The following FHAD1 variants were observed in gnomAD, a reference collection of about 807,000 sequenced individuals.
The protein encoded by FHAD1 is forkhead associated phosphopeptide binding domain 1.
Under a neutral mutation model 191.3 loss-of-function variants are expected in FHAD1, and 146 were observed. The ratio of observed to expected loss-of-function variants is 0.76; its 90% CI spans 0.67 to 0.88. The LOEUF (loss-of-function observed/expected upper bound fraction) is 0.88, where lower values mean the gene tolerates loss of function less well. Among genes scored for constraint, FHAD1 ranks in the 40% least tolerant of loss-of-function variants. The pLI is 0.00. For synonymous variants in FHAD1, 616 were observed against 672.3 expected (o/e 0.92, Z 1.29); for missense variants, 1,635 against 1,785.8 (o/e 0.92, Z 1.52).
chr1:15,238,130 CCAGCTACT>C (rs1400129518), intron 1 of FHAD1, among the ~76,000 whole-genome samples: 1 of 151,498 alleles, frequency 6.6e-6, no homozygotes, highest in Non-Finnish European at 1.5e-5. Flanking sequence ...ACCTGTAACC[CCAGCTACT>C]CAGGAGGCTG....
In FHAD1 at chr1:15,303,631, C is replaced by T. The variant is rs139989502; in HGVS notation, c.915+2190C>T. Among the ~76,000 whole-genome samples the T allele has an allele frequency of 8.3e-3, 1,257 of 152,300 alleles. 22 individuals are homozygous for T. The highest frequency in any genetic ancestry group is 0.029 in the African/African-American group (1,186 of 41,558). On this transcript the variant is annotated intron_variant, in intron 6 of 33. Transcript: ENST00000688493. ...TTGGGAGGCCAAGGCAGGCGGATCA[C>T]CTGAGGTCAGGAGTTCGAGACCAGC...
At chr1:15,336,654 G>A (rs149469148) in intron 14 of FHAD1, among the ~76,000 whole-genome samples, 6 of 152,056 alleles carry the variant, frequency 3.9e-5, no homozygotes, top group Non-Finnish European at 5.9e-5. Context: ...CGCTTCTTTC[G>A]CTCCTTTTCA....
chr1:15,346,015 C>G (rs1688793912), intron 18 of FHAD1, among the ~76,000 whole-genome samples: 1 of 152,150 alleles, frequency 6.6e-6, no homozygotes, highest in Admixed American at 6.6e-5. Flanking sequence ...CTCTTACGCC[C>G]CGGAGGAGTA....
chr1:15,262,693 T>C (rs1651634875), intron 2 of FHAD1, among the ~76,000 whole-genome samples: 2 of 152,392 alleles, frequency 1.3e-5, no homozygotes, highest in South Asian at 4.1e-4. Flanking sequence ...GTTTATCTTT[T>C]GTCTGTCCAT....
Position 15,374,504 on chromosome 1 carries a change from G to A in FHAD1, c.3450G>A (p.Gln1150=). The A allele has an allele frequency of 1.9e-6, 3 of 1,551,800 alleles. No homozygotes were observed. The highest frequency in any genetic ancestry group is 4.9e-5 in the East Asian group (2 of 40,910). The part of the protein sequence containing the change: ...HTEAFSSSQE[Q]QSFSDLGVRC... ...TGCCCGCCCCATTCTGCCCACAGCAGCAATCCTTCAGCGATCTAGGGGTCA... is the reference window on the plus strand; with the variant it reads ...TGCCCGCCCCATTCTGCCCACAGCAACAATCCTTCAGCGATCTAGGGGTCA... The change falls in exon 27 of 34, where the codon CAG becomes CAA. Residue 1150 remains glutamine, a splice_region_variant and synonymous_variant. Transcript: ENST00000688493.
In FHAD1 at chr1:15,277,745, T is replaced by C. The variant is rs894476208; in HGVS notation, c.300+5216T>C. Among the ~76,000 whole-genome samples the C allele has an allele frequency of 1.6e-4, 25 of 152,174 alleles. 1 individual carries two copies. The highest frequency in any genetic ancestry group is 1.5e-5 in the Non-Finnish European group (1 of 68,026). ...AGAAAATGCAGTTTCAGATAGGGGC[T>C]TCCTCATTCGCCTCCACTATCTTTT... On this transcript the variant is annotated intron_variant, in intron 3 of 33. Transcript: ENST00000688493.
rs1397016632 is a variant in FHAD1 at position 15,367,596 on chromosome 1, G to A, written c.3288G>A (p.Glu1096=). Residue 1096 remains glutamate, a synonymous_variant, in exon 25 of 34, where the codon GAG becomes GAA. Coordinates refer to ENST00000688493, the MANE Select transcript of FHAD1 (RefSeq NM_001391957.1). Reference sequence around the variant, plus strand: ...GCCTGGTAGAAAAGAAAGATCGGGAGCTGAAGGCCCTTGAGGAGGCACTCA... The same window carrying A: ...GCCTGGTAGAAAAGAAAGATCGGGAACTGAAGGCCCTTGAGGAGGCACTCA... ...MSSLVEKKDR[E]LKALEEALRA... 3 of 1,513,354 alleles carry A rather than the reference G, an allele frequency of 2.0e-6. No homozygotes were observed. The highest frequency in any genetic ancestry group is 2.8e-5 in the African/African-American group (2 of 71,240). 93.7% of individuals were successfully genotyped at this position (1,513,354 alleles called of 1,614,324 possible).
At chr1:15,335,398 G>C (rs932591672) in intron 14 of FHAD1, 1 of 151,922 alleles carries the variant, frequency 6.6e-6, no homozygotes, top group East Asian at 1.9e-4. Context: ...TTGCATGCAT[G>C]GCAAATCACT....
At chr1:15,293,653 G>T (rs555181177) in intron 4 of FHAD1, among the ~76,000 whole-genome samples, 1 of 152,330 alleles carries the variant, frequency 6.6e-6, no homozygotes, top group African/African-American at 2.4e-5. Flanking sequence ...GGGAGGCAGA[G>T]GTTGCAGTGA....
At chr1:15,270,658 GCTGGACAGGGCACC>G (rs1655515521) in intron 2 of FHAD1, among the ~76,000 whole-genome samples, 1 of 152,146 alleles carries the variant, frequency 6.6e-6, no homozygotes, top group African/African-American at 2.4e-5. Context: ...TTATATAAAA[GCTGGACAGGGCACC>G]CTGAGAAGAT....
At chr1:15,373,975 C>T (rs1262566991) in intron 26 of FHAD1, among the ~76,000 whole-genome samples, 2 of 152,320 alleles carry the variant, frequency 1.3e-5, no homozygotes, top group East Asian at 3.9e-4. Flanking sequence ...AGGTATAAAA[C>T]ATTCCCTTCA....
rs542594313 is a variant in FHAD1, at chr1:15,371,749, G to A, written c.3447+2247G>A. Among the ~76,000 whole-genome samples, 4 of 152,218 alleles carry A rather than the reference G, an allele frequency of 2.6e-5. No homozygotes were observed. In the South Asian group the frequency reaches 8.3e-4, roughly 32 times the overall value. ...TGACCAAGGCCAGTGTAGAGCCAGC[G>A]CTGGAAGGGAACCAGCCACGCATCC... On this transcript the variant is annotated intron_variant, in intron 26 of 33. Coordinates refer to ENST00000688493, the MANE Select transcript of FHAD1 (RefSeq NM_001391957.1).
intron 10 of FHAD1, among the ~76,000 whole-genome samples, chr1:15,322,225 C>T (rs561861177): frequency 1.3e-5 from 2 of 152,206 alleles, no homozygotes; most frequent in South Asian, 2.1e-4. Flanking sequence ...TGGGGAGCTA[C>T]TGAGGCTCTT....
chr1:15,337,104 G>A (rs1397096850), intron 14 of FHAD1, among the ~76,000 whole-genome samples: 5 of 152,182 alleles, frequency 3.3e-5, no homozygotes, highest in African/African-American at 9.7e-5. Context: ...CAGTAGGTGG[G>A]GTCCCTGGCC....
Position 15,318,040 on chromosome 1 carries a change from G to C in FHAD1, c.1365+112G>C. The C allele has an allele frequency of 1.5e-6, 1 of 661,376 alleles. No individual in the cohort carries two copies. The highest frequency in any genetic ancestry group is 2.6e-6 in the Non-Finnish European group (1 of 390,696). The allele number at this position is 661,376 out of a possible 1,614,324, so 41.0% of individuals were successfully genotyped here. On this transcript the variant is annotated intron_variant, in intron 10 of 33. Transcript: ENST00000688493. The surrounding 1 kb of genome is among the most constrained non-coding windows in gnomAD (Gnocchi z 4.1). ...TGGTATTAACCCTTCTTACAGCTGA[G>C]AAAACTGAGGCTCACACAGGGACAG...
chr1:15,237,120 T>G (rs1429969630), intron 1 of FHAD1, among the ~76,000 whole-genome samples: 1 of 152,202 alleles, frequency 6.6e-6, no homozygotes, highest in Non-Finnish European at 1.5e-5. Context: ...TAAACCTCTT[T>G]CCTTCATAAA....
chr1:15,331,029 G>C (rs772887021), intron 14 of FHAD1, among the ~76,000 whole-genome samples: 2 of 152,128 alleles, frequency 1.3e-5, no homozygotes, highest in Non-Finnish European at 2.9e-5. Flanking sequence ...AAATCAACAG[G>C]CCTCAGTGGT....
chr1:15,360,241 T>C lies in FHAD1; in HGVS notation c.2737-237T>C, dbSNP rs374241098. Among the ~76,000 whole-genome samples, 51 of 152,254 alleles carry C rather than the reference T, an allele frequency of 3.3e-4. No individual in the cohort carries two copies. The East Asian group carries it at 6.2e-3, about 18-fold the overall frequency. ...AGAAAGTGTCTGGGGCTACTCCTGATAGGTAGTCAGGGAGGGCCTCTCAGA... is the reference window on the plus strand; with the variant it reads ...AGAAAGTGTCTGGGGCTACTCCTGACAGGTAGTCAGGGAGGGCCTCTCAGA... On this transcript the variant is annotated intron_variant, in intron 21 of 33. Transcript: ENST00000688493.
chr1:15,259,880 CT>C (rs1195217295), intron 2 of FHAD1, among the ~76,000 whole-genome samples: 1 of 152,194 alleles, frequency 6.6e-6, no homozygotes, highest in Non-Finnish European at 1.5e-5. Context: ...AAGGGCCCCC[CT>C]CTCCCTGCCA....
Sources: allele counts gnomAD v4.1 joint callset (sites outside exome capture counted in the v4.1 genomes callset), GRCh38; gene constraint gnomAD v4.1.1; non-coding constraint Gnocchi (gnomAD v3.1); transcripts MANE v1.5; gene names NCBI Gene and HGNC (gene_info 2026-07-23, HGNC 2026-07-21).